NXPH2: variants seen among roughly 807,000 people sequenced by gnomAD.
NXPH2 encodes the protein neurexophilin-2.
NXPH2 carries 5 observed loss-of-function variants against 19.8 expected under a neutral mutation model. The ratio of observed to expected loss-of-function variants is 0.25; its 90% CI spans 0.13 to 0.53. The LOEUF is 0.53. Ranked by LOEUF, NXPH2 falls within the 20% of genes least tolerant of loss-of-function variation. The pLI, the probability that NXPH2 is intolerant of heterozygous loss-of-function variation, is 0.96. For synonymous variants in NXPH2, 154 were observed against 127.4 expected, an observed-to-expected ratio of 1.21 and a Z score of -1.41; for missense variants, 289 against 322.8, an observed-to-expected ratio of 0.90 and a Z score of 0.80.
At chr2:138,699,587 G>A (rs1215216921) in intron 1 of NXPH2, among the ~76,000 whole-genome samples, 1 of 152,102 alleles carries the variant, frequency 6.6e-6, no homozygotes, top group African/African-American at 2.4e-5. Context: ...GATGAGTAGG[G>A]TTAAAGAAGC....
intron 1 of NXPH2, among the ~76,000 whole-genome samples, chr2:138,692,444 A>G (rs962238633): frequency 6.6e-6 from 1 of 151,908 alleles, no homozygotes; most frequent in Non-Finnish European, 1.5e-5. Flanking sequence ...ATGATAAGCA[A>G]CCCTCTCTCT....
At chr2:138,692,175 G>C (rs528553996) in intron 1 of NXPH2, among the ~76,000 whole-genome samples, 1 of 152,174 alleles carries the variant, frequency 6.6e-6, no homozygotes, top group African/African-American at 2.4e-5. Flanking sequence ...ACAAAGCCTG[G>C]GATCTGCCTA....
At chr2:138,727,930 G>A (rs778143425) in intron 1 of NXPH2, among the ~76,000 whole-genome samples, 9 of 152,152 alleles carry the variant, frequency 5.9e-5, no homozygotes, top group African/African-American at 1.4e-4. Context: ...GGAGGCTTGA[G>A]GTTCTAGTGT....
chr2:138,736,084 T>C (rs1410525555), intron 1 of NXPH2, among the ~76,000 whole-genome samples: 1 of 152,216 alleles, frequency 6.6e-6, no homozygotes, highest in African/African-American at 2.4e-5. Context: ...ATTGAGTGTC[T>C]GTGGCTTTTC....
intron 1 of NXPH2, among the ~76,000 whole-genome samples, chr2:138,736,794 A>C (rs1356750029): frequency 6.6e-6 from 1 of 152,218 alleles, no homozygotes; most frequent in African/African-American, 2.4e-5. Context: ...CATCCGAGTC[A>C]CATCTTGAAT....
chr2:138,761,941 A>ATT (rs1271770546), intron 1 of NXPH2, among the ~76,000 whole-genome samples: 1 of 152,214 alleles, frequency 6.6e-6, no homozygotes, highest in Non-Finnish European at 1.5e-5. Flanking sequence ...ACAAAGGCAG[A>ATT]AGTCTTAGAT....
chr2:138,717,332 ACTGT>A (rs1047794259), intron 1 of NXPH2, among the ~76,000 whole-genome samples: 1 of 152,046 alleles, frequency 6.6e-6, no homozygotes, highest in Non-Finnish European at 1.5e-5. Context: ...TCTCAAGGCA[ACTGT>A]CTTAGTCCGT....
chr2:138,734,982 T>C (rs535501519), intron 1 of NXPH2, among the ~76,000 whole-genome samples: 2 of 152,248 alleles, frequency 1.3e-5, no homozygotes, highest in Admixed American at 1.3e-4. Flanking sequence ...TAAGTAGTAA[T>C]TAAAATGTTA....
chr2:138,670,760 TAA>T lies in NXPH2; in HGVS notation c.*160_*161del, dbSNP rs1181282893. 1 of 702,928 alleles carries T rather than the reference TAA, an allele frequency of 1.4e-6. No individual in the cohort carries two copies. Among genetic ancestry groups the T allele is most frequent in the African/African-American group, 1.8e-5 (1 of 55,464 alleles). 43.5% of individuals were successfully genotyped at this position (702,928 alleles called of 1,614,324 possible). ...GATAGAAAGAAACAAATTTCACACTTAAAGATGTCTCTTTTTCTTTTTTTAAA... is the reference window on the plus strand; with the variant it reads ...GATAGAAAGAAACAAATTTCACACTTAGATGTCTCTTTTTCTTTTTTTAAA... On this transcript the variant is annotated 3_prime_UTR_variant, in exon 2 of 2. Transcript: ENST00000272641.
chr2:138,686,915 G>T (rs1271670528), intron 1 of NXPH2, among the ~76,000 whole-genome samples: 2 of 152,126 alleles, frequency 1.3e-5, no homozygotes, highest in South Asian at 2.1e-4. Flanking sequence ...GTATTCCATG[G>T]TGTATATGTG....
At chr2:138,691,025 G>C (rs144611850) in intron 1 of NXPH2, among the ~76,000 whole-genome samples, 1 of 152,164 alleles carries the variant, frequency 6.6e-6, no homozygotes, top group African/African-American at 2.4e-5. Flanking sequence ...GAGTGTTGTG[G>C]GCAGAGAGGC....
chr2:138,733,357 A>C (rs753397662), intron 1 of NXPH2, among the ~76,000 whole-genome samples: 5 of 152,248 alleles, frequency 3.3e-5, no homozygotes, highest in Non-Finnish European at 7.3e-5. Flanking sequence ...AAACATCTGA[A>C]TTTAAACAGG....
intron 1 of NXPH2, among the ~76,000 whole-genome samples, chr2:138,707,413 G>C (rs1317375342): frequency 6.6e-6 from 1 of 152,090 alleles, no homozygotes; most frequent in Non-Finnish European, 1.5e-5. Flanking sequence ...ATGTATGTTG[G>C]ATATTTTTAT....
chr2:138,749,756 C>T (rs1324614425), intron 1 of NXPH2, among the ~76,000 whole-genome samples: 1 of 152,110 alleles, frequency 6.6e-6, no homozygotes, highest in African/African-American at 2.4e-5. Flanking sequence ...TGACATGAAA[C>T]ATTTCTCTTA....
chr2:138,721,410 A>G (rs1440737617), intron 1 of NXPH2, among the ~76,000 whole-genome samples: 1 of 152,020 alleles, frequency 6.6e-6, no homozygotes, highest in Non-Finnish European at 1.5e-5. Flanking sequence ...ACAGGAATTC[A>G]ATTGGAAAGA....
intron 1 of NXPH2, among the ~76,000 whole-genome samples, chr2:138,725,290 A>G (rs1174845313): frequency 6.6e-6 from 1 of 152,222 alleles, no homozygotes; most frequent in Non-Finnish European, 1.5e-5. Flanking sequence ...TTTATGTTAA[A>G]TGGACACTGA....
chr2:138,715,079 G>C (rs761518534), intron 1 of NXPH2, among the ~76,000 whole-genome samples: 17 of 152,226 alleles, frequency 1.1e-4, no homozygotes, highest in Middle Eastern at 6.8e-3. Context: ...ATCAACTCTA[G>C]GTACTCTCAT....
intron 1 of NXPH2, among the ~76,000 whole-genome samples, chr2:138,675,955 ATGTG>A (rs61124904): frequency 0.81 from 122,311 of 150,340 alleles, 49,934 homozygotes; most frequent in Middle Eastern, 0.85. Flanking sequence ...ATATATACAT[ATGTG>A]TGTGTGTGTG....
At chr2:138,711,489 A>G (rs557534267) in intron 1 of NXPH2, among the ~76,000 whole-genome samples, 25 of 152,056 alleles carry the variant, frequency 1.6e-4, no homozygotes, top group Non-Finnish European at 3.5e-4. Context: ...CCTCCATCCT[A>G]CTTGATGCCT....
Sources: allele counts gnomAD v4.1 joint callset (sites outside exome capture counted in the v4.1 genomes callset), GRCh38; gene constraint gnomAD v4.1.1; transcripts MANE v1.5; gene names NCBI Gene and HGNC (gene_info 2026-07-23, HGNC 2026-07-21).